Variants in ELN observed in about 807,000 individuals in gnomAD.
The protein encoded by ELN is elastin.
Under a neutral mutation model 105.8 loss-of-function variants are expected in ELN, and 65 were observed. That is an observed-to-expected ratio of 0.61 (90% CI 0.50 to 0.75). ELN has a LOEUF of 0.75. Among genes scored for constraint, ELN ranks in the 30% least tolerant of loss-of-function variants. The pLI, the probability that ELN is intolerant of heterozygous loss-of-function variation, is 0.00. For missense variants in ELN, 882 were observed against 969.4 expected, an observed-to-expected ratio of 0.91 and a Z score of 1.20; for synonymous variants, 368 against 389.2, an observed-to-expected ratio of 0.95 and a Z score of 0.64.
chr7:74,036,482 T>A, intron 2 of ELN, 73 bp from the exon 3 acceptor site: 1 of 1,601,746 alleles, frequency 6.2e-7, no homozygotes, highest in South Asian at 1.1e-5. Context: ...GATTCAGCCA[T>A]AGCTGGGGGT....
intron 19 of ELN, among the ~76,000 whole-genome samples, chr7:74,055,434 TAAAATAAATAA>T (rs1459435292): frequency 7.9e-5 from 12 of 151,752 alleles, no homozygotes; most frequent in Non-Finnish European, 1.6e-4. Context: ...AAATAAAAAA[TAAAATAAATAA>T]AAAATAAATG....
In ELN at chr7:74,043,106, C is replaced by T; in HGVS notation, c.377-12C>T. 1 of 1,614,082 alleles carries T rather than the reference C, an allele frequency of 6.2e-7. No individual in the cohort carries two copies. Among genetic ancestry groups the T allele is most frequent in the African/African-American group, 1.3e-5 (1 of 75,050 alleles). ...GGTGGAGCCAACTCTGATGCAGCCC[C>T]TTCTGTGCCAGGTGCGGTGGTTCCT... is the stretch of plus-strand genomic sequence containing the variant. On this transcript the variant is annotated splice_polypyrimidine_tract_variant and intron_variant, in intron 7 of 32. Transcript: ENST00000252034.
chr7:74,067,669 C>T (rs574898824), intron 32 of ELN, among the ~76,000 whole-genome samples: 3 of 150,440 alleles, frequency 2.0e-5, no homozygotes, highest in Non-Finnish European at 3.0e-5. Context: ...ACCCGGGAGG[C>T]GGAGCATGGT....
intron 15 of ELN, among the ~76,000 whole-genome samples, chr7:74,049,870 A>G (rs568818915): frequency 6.8e-6 from 1 of 146,498 alleles, no homozygotes; most frequent in Non-Finnish European, 1.5e-5. Context: ...CCATCCATCC[A>G]TTTACCCATC....
intron 15 of ELN, among the ~76,000 whole-genome samples, chr7:74,050,047 A>C (rs1223165269): frequency 1.3e-5 from 2 of 148,366 alleles, no homozygotes; most frequent in African/African-American, 5.0e-5. Context: ...CCATGCATGC[A>C]TCCATCCTTC....
intron 14 of ELN, 25 bp downstream of exon 14, chr7:74,048,226 C>T: frequency 1.2e-6 from 2 of 1,613,950 alleles, no homozygotes; most frequent in Non-Finnish European, 1.7e-6. Context: ...ACGTCACTTC[C>T]AGCCAAGGGA....
Position 74,048,192 on chromosome 7 carries a change from A to G in ELN, c.736A>G (p.Thr246Ala). The G allele has an allele frequency of 6.2e-7, 1 of 1,614,042 alleles. No individual in the cohort carries two copies. Residue 246 changes from threonine to alanine, a missense_variant, in exon 14 of 33, where the codon ACA becomes GCA. Thr to Ala is a moderately conservative substitution (Grantham distance 58, BLOSUM62 0). Coordinates refer to ENST00000252034, the MANE Select transcript of ELN (RefSeq NM_000501.4). ...AGAAGKAGYPTGTGVGPQAAA... is the reference protein window; with the variant it reads ...AGAAGKAGYPAGTGVGPQAAA... ...TGCAGCGGGCAAGGCTGGTTACCCA[A>G]CAGGGACAGGTAAGGAAAGCCTCAC...
rs189420222 is a variant in ELN, at chr7:74,036,624, C to T, written c.163+40C>T. ...CACACTTGTTCATCACTGAAAGGGC[C>T]TGGGTTTCACCCGAGCCACATGCAT... is the stretch of plus-strand genomic sequence containing the variant. On this transcript the variant is annotated intron_variant, in intron 3 of 32. Coordinates refer to ENST00000252034, the MANE Select transcript of ELN (RefSeq NM_000501.4). 133 of 1,613,992 alleles carry T rather than the reference C, an allele frequency of 8.2e-5. 1 individual carries two copies. The Admixed American group carries it at 2.1e-3, about 26-fold the overall frequency.
At chr7:74,068,603 AG>A (rs1798505115) in intron 32 of ELN, 53 bp from the exon 33 acceptor site, 1 of 1,611,208 alleles carries the variant, frequency 6.2e-7, no homozygotes, top group South Asian at 1.1e-5. Flanking sequence ...CGGGGATTAG[AG>A]CCGAAACTGA....
chr7:74,060,662 A>T lies in ELN; in HGVS notation c.1747+161A>T. On this transcript the variant is annotated intron_variant, in intron 25 of 32. Transcript: ENST00000252034. ...TCTGGGGGTAACAGATAGCGGGAGGAGGGCAGACCAGGCCAAGGGACCCCA... is the reference window on the plus strand; with the variant it reads ...TCTGGGGGTAACAGATAGCGGGAGGTGGGCAGACCAGGCCAAGGGACCCCA... 1.3e-6 allele frequency: 2 copies of T among 1,539,534 alleles called. No homozygotes were observed. Among genetic ancestry groups the T allele is most frequent in the Non-Finnish European group, 1.8e-6 (2 of 1,138,646 alleles).
intron 4 of ELN, among the ~76,000 whole-genome samples, chr7:74,039,767 A>G (rs1694190438): frequency 6.6e-6 from 1 of 152,262 alleles, no homozygotes; most frequent in African/African-American, 2.4e-5. Flanking sequence ...CTTTCTGCAC[A>G]CATGCTCACT....
intron 21 of ELN, chr7:74,057,341 G>T (rs545857145): frequency 6.9e-7 from 1 of 1,452,214 alleles, no homozygotes; most frequent in East Asian, 2.4e-5. Flanking sequence ...CAAAAAGTGA[G>T]TACTGGGAGG....
chr7:74,043,052 G>A lies in ELN; in HGVS notation c.376+18G>A, dbSNP rs1216136989. On this transcript the variant is annotated intron_variant, in intron 7 of 32. Transcript: ENST00000252034. ...GTCTGCAGGTACGATGGCTATCCCC[G>A]AACTCCCTGGGTCAAAGTTGCAGGC... 1.7e-5 allele frequency: 28 copies of A among 1,614,036 alleles called. No individual in the cohort carries two copies. The highest frequency in any genetic ancestry group is 4.4e-5 in the South Asian group (4 of 91,088).
chr7:74,043,500 C>G, intron 8 of ELN: 2 of 682,284 alleles, frequency 2.9e-6, no homozygotes, highest in Non-Finnish European at 2.7e-6. Flanking sequence ...GGGGGAGCCC[C>G]GTGTCCTCTG....
chr7:74,062,440 G>T (rs1796907760), intron 26 of ELN, among the ~76,000 whole-genome samples: 1 of 152,224 alleles, frequency 6.6e-6, no homozygotes, highest in Non-Finnish European at 1.5e-5. Flanking sequence ...CTGCAAAATG[G>T]GAATGACAAT....
chr7:74,058,839 A>C (rs1795960177), intron 22 of ELN, among the ~76,000 whole-genome samples: 1 of 152,206 alleles, frequency 6.6e-6, no homozygotes, highest in Non-Finnish European at 1.5e-5. Context: ...TGAAAGGTTC[A>C]GATCAGAATC....
Position 74,044,097 on chromosome 7 carries a change from C to T in ELN, c.469+177C>T, listed in dbSNP as rs532778367. ...CCTCGTCTCTACAAAAAAATTTAGC[C>T]AGGCATGGTGGTGTGCACCTGTAGT... On this transcript the variant is annotated intron_variant, in intron 9 of 32. Transcript: ENST00000252034. Among the ~76,000 whole-genome samples, 3 of 152,178 alleles carry T rather than the reference C, an allele frequency of 2.0e-5. No homozygotes were observed. In the East Asian group the frequency reaches 5.8e-4, roughly 29 times the overall value.
intron 18 of ELN, among the ~76,000 whole-genome samples, chr7:74,053,787 G>C (rs1040709453): frequency 1.3e-5 from 2 of 151,318 alleles, no homozygotes; most frequent in Non-Finnish European, 3.0e-5. Context: ...TGAATAAGTG[G>C]ATGGATGAAT....
At chr7:74,042,885 G>A (rs1358945406) in intron 6 of ELN, 99 bp from the exon 7 acceptor site, 18 of 1,599,484 alleles carry the variant, frequency 1.1e-5, no homozygotes, top group East Asian at 4.5e-5. Context: ...AGTTAGTAAC[G>A]GGGCCAGACC....
Sources: gnomAD v4.1 joint callset for allele counts (sites outside exome capture counted in the v4.1 genomes callset) on GRCh38, gnomAD v4.1.1 for gene constraint, MANE v1.5 for transcripts, NCBI Gene and HGNC (gene_info 2026-07-23, HGNC 2026-07-21) for gene names.